Variants in EBF1 observed in about 807,000 individuals in gnomAD.
The protein encoded by EBF1 is transcription factor COE1.
A neutral mutation model predicts 68.4 loss-of-function variants in EBF1; 10 were observed. That is an observed-to-expected ratio of 0.15 (90% confidence interval 0.09 to 0.25). EBF1 has a LOEUF of 0.25. Ranked by LOEUF, EBF1 falls within the 10% of genes least tolerant of loss-of-function variation. EBF1 has a pLI of 1.00. For missense variants in EBF1, 509 were observed against 794.4 expected (o/e 0.64, Z 4.32); for synonymous variants, 298 against 299.8 (o/e 0.99, Z 0.06).
rs762559936 is a variant in EBF1 at position 158,777,500 on chromosome 5, G to A, written c.949C>T (p.Arg317Trp). 6.2e-7 allele frequency: 1 copy of A among 1,612,594 alleles called. No individual in the cohort carries two copies. The highest frequency in any genetic ancestry group is 2.2e-5 in the East Asian group (1 of 44,852). Residue 317 changes from arginine to tryptophan, a missense_variant, in exon 10 of 16, where the codon CGG becomes TGG. Arg to Trp is a moderately radical substitution (Grantham distance 101, BLOSUM62 -3). Around this residue, in one of 3 missense-constraint regions of EBF1, gnomAD observed 230 missense variants for 467.7 expected, o/e 0.49. Transcript: ENST00000313708. Reference protein sequence around the residue: ...PHAIRVQTPPRHIPGVVEVTL... With the variant: ...PHAIRVQTPPWHIPGVVEVTL... ...ACTTCCACAACACCAGGGATGTGCCGAGGAGGGGTCTGCACACGGATGGCA... is the reference window on the plus strand; with the variant it reads ...ACTTCCACAACACCAGGGATGTGCCAAGGAGGGGTCTGCACACGGATGGCA...
At chr5:158,699,841 A>G (rs1379357451) in intron 15 of EBF1, among the ~76,000 whole-genome samples, 1 of 152,186 alleles carries the variant, frequency 6.6e-6, no homozygotes, top group African/African-American at 2.4e-5. Context: ...TAGCCTGGGG[A>G]AGCTGGAGTG....
At chr5:158,862,571 G>C (rs571113344) in intron 6 of EBF1, among the ~76,000 whole-genome samples, 2 of 152,234 alleles carry the variant, frequency 1.3e-5, no homozygotes, top group Non-Finnish European at 2.9e-5. Flanking sequence ...CTACAGGGCT[G>C]AGAAAAGGAC....
At chr5:158,710,905 C>T (rs1013914097) in intron 14 of EBF1, among the ~76,000 whole-genome samples, 6 of 152,196 alleles carry the variant, frequency 3.9e-5, no homozygotes, top group Non-Finnish European at 8.8e-5. Context: ...TCAGAAGAGT[C>T]ACTCGCAATG....
intron 7 of EBF1, among the ~76,000 whole-genome samples, chr5:158,830,833 G>T (rs1787395600): frequency 1.3e-5 from 2 of 152,184 alleles, no homozygotes; most frequent in Admixed American, 1.3e-4. Flanking sequence ...AATTATGGAG[G>T]ACGCGTGAAC....
At chr5:158,834,740 C>A (rs1413295751) in intron 7 of EBF1, among the ~76,000 whole-genome samples, 15 of 152,306 alleles carry the variant, frequency 9.8e-5, no homozygotes, top group Non-Finnish European at 1.6e-4. Flanking sequence ...GATCAACAAC[C>A]TTTCTTATGT....
intron 8 of EBF1, among the ~76,000 whole-genome samples, chr5:158,797,215 C>CT (rs1779749287): frequency 2.6e-5 from 4 of 152,176 alleles, no homozygotes; most frequent in African/African-American, 9.6e-5. Context: ...ATAAATGGCC[C>CT]TTGGAGATGG....
At chr5:158,998,207 T>G (rs1433215690) in intron 6 of EBF1, among the ~76,000 whole-genome samples, 5 of 152,164 alleles carry the variant, frequency 3.3e-5, no homozygotes, top group Non-Finnish European at 4.4e-5. Context: ...CTGGCCAGTC[T>G]TTTCTGTATT....
rs1331852640 is a variant in EBF1 at position 158,900,715 on chromosome 5, A to G, written c.555-60605T>C. The stretch of plus-strand genomic sequence containing the variant: ...AATATCAACTGCAACAGCAACTGCC[A>G]TTTATTGGGCACCAGGCGTTACACT... On this transcript the variant is annotated intron_variant, in intron 6 of 15. Transcript: ENST00000313708. Among the ~76,000 whole-genome samples the G allele has an allele frequency of 2.0e-5, 3 of 152,214 alleles. No homozygotes were observed. The East Asian group carries it at 5.8e-4, about 29-fold the overall frequency.
intron 6 of EBF1, among the ~76,000 whole-genome samples, chr5:158,977,829 T>A (rs1561686765): frequency 6.6e-6 from 1 of 152,066 alleles, no homozygotes; most frequent in East Asian, 1.9e-4. Flanking sequence ...ATAAACAGGG[T>A]ACCAGGCCTC....
At chr5:158,941,310 T>C (rs1257467002) in intron 6 of EBF1, 1 of 453,128 alleles carries the variant, frequency 2.2e-6, no homozygotes, top group Non-Finnish European at 4.4e-6. Flanking sequence ...AGCAAACCTC[T>C]CAAGCATAAA....
intron 9 of EBF1, among the ~76,000 whole-genome samples, chr5:158,777,782 A>G (rs992686505): frequency 2.2e-4 from 34 of 152,192 alleles, no homozygotes; most frequent in African/African-American, 8.2e-4. Flanking sequence ...TGGTTTGAAC[A>G]GGGAACCTGG....
At chr5:158,872,714 G>A (rs372390233) in intron 6 of EBF1, among the ~76,000 whole-genome samples, 2 of 152,170 alleles carry the variant, frequency 1.3e-5, no homozygotes, top group African/African-American at 2.4e-5. Flanking sequence ...ACTGGTAGAT[G>A]AAACAATGAT....
chr5:158,806,723 A>G (rs901916329), intron 8 of EBF1, among the ~76,000 whole-genome samples: 4 of 152,208 alleles, frequency 2.6e-5, no homozygotes, highest in Non-Finnish European at 5.9e-5. Context: ...GAAATTGACA[A>G]CAATTCTAGC....
chr5:158,905,774 C>T (rs1262322533), intron 6 of EBF1, among the ~76,000 whole-genome samples: 1 of 152,088 alleles, frequency 6.6e-6, no homozygotes, highest in Non-Finnish European at 1.5e-5. Flanking sequence ...GACTAAAGTT[C>T]TAAAGGCAAC....
intron 6 of EBF1, among the ~76,000 whole-genome samples, chr5:158,916,540 A>G (rs917302674): frequency 2.0e-5 from 3 of 152,314 alleles, no homozygotes; most frequent in Middle Eastern, 3.4e-3. Context: ...CTGGAAGTAT[A>G]TATTAGATCC....
chr5:158,838,186 C>A (rs545491596), intron 7 of EBF1, among the ~76,000 whole-genome samples: 11 of 152,056 alleles, frequency 7.2e-5, no homozygotes, highest in Non-Finnish European at 1.5e-4. Context: ...TGGCTCACGC[C>A]TGTAATTCCA....
chr5:158,864,289 G>T, intron 6 of EBF1, among the ~76,000 whole-genome samples: 1 of 143,716 alleles, frequency 7.0e-6, no homozygotes, highest in East Asian at 2.1e-4. Flanking sequence ...GAGAGTACTG[G>T]CTTTTAAACT....
intron 6 of EBF1, among the ~76,000 whole-genome samples, chr5:159,043,607 T>A (rs1318293063): frequency 6.6e-6 from 1 of 152,140 alleles, no homozygotes; most frequent in East Asian, 1.9e-4. Context: ...ACAACCACAA[T>A]TTAGATTCAA....
chr5:159,057,437 A>G (rs1009753721), intron 6 of EBF1, among the ~76,000 whole-genome samples: 3 of 152,066 alleles, frequency 2.0e-5, no homozygotes, highest in African/African-American at 7.2e-5. Flanking sequence ...AAACAATTTA[A>G]CTTGTGCTCC....
Sources: gnomAD v4.1 joint callset for allele counts (sites outside exome capture counted in the v4.1 genomes callset) on GRCh38, gnomAD v4.1.1 for gene constraint, gnomAD v4.1.1 regional missense constraint, MANE v1.5 for transcripts, NCBI Gene and HGNC (gene_info 2026-07-23, HGNC 2026-07-21) for gene names.